TRDN: variants seen among roughly 807,000 people sequenced by gnomAD.
TRDN encodes the protein triadin in skeletal muscle.
In TRDN, 161 loss-of-function variants were observed where a neutral mutation model predicts 149.7. The ratio of observed to expected loss-of-function variants is 1.08; its 90% CI spans 0.95 to 1.23. The LOEUF (loss-of-function observed/expected upper bound fraction) is 1.23, where lower values mean the gene tolerates loss of function less well. Among genes scored for constraint, TRDN ranks in the 50% most tolerant of loss-of-function variants. The pLI, the probability that TRDN is intolerant of heterozygous loss-of-function variation, is 0.00. For synonymous variants in TRDN, 294 were observed against 250.5 expected (o/e 1.17, Z -1.64); for missense variants, 896 against 823.5 (o/e 1.09, Z -1.08).
intron 22 of TRDN, 135 bp from the exon 23 acceptor site, chr6:123,332,064 T>G: frequency 1.6e-6 from 1 of 618,212 alleles, no homozygotes; most frequent in Non-Finnish European, 2.7e-6. Flanking sequence ...TTAAAAATGG[T>G]TTTACTCATA....
At chr6:123,230,748 T>A (rs1198548118) in intron 38 of TRDN, among the ~76,000 whole-genome samples, 2 of 151,986 alleles carry the variant, frequency 1.3e-5, no homozygotes, top group Non-Finnish European at 2.9e-5. Flanking sequence ...GGCTGTGTGT[T>A]TATGTTATAA....
chr6:123,455,446 G>GTGTGTGTA lies in TRDN; in HGVS notation c.931+9459_931+9460insTACACACA, dbSNP rs1392022962. On this transcript the variant is annotated intron_variant, in intron 10 of 40. Transcript: ENST00000334268. The stretch of plus-strand genomic sequence containing the variant: ...TGTGTGTGTGTGTGTGTGTCTGTGT[G>GTGTGTGTA]TGTTAGAGAAACAAAGAGAGAAGAA... Among the ~76,000 whole-genome samples the GTGTGTGTA allele has an allele frequency of 2.5e-3, 381 of 151,818 alleles. 1 individual carries two copies. The highest frequency in any genetic ancestry group is 8.7e-3 in the African/African-American group (358 of 41,310).
intron 5 of TRDN, among the ~76,000 whole-genome samples, chr6:123,525,609 T>G (rs1389452809): frequency 6.6e-6 from 1 of 151,952 alleles, no homozygotes; most frequent in Non-Finnish European, 1.5e-5. Flanking sequence ...AATATTTGGG[T>G]GATGGACACA....
chr6:123,569,209 G>A (rs1226995266), intron 2 of TRDN, among the ~76,000 whole-genome samples: 1 of 152,166 alleles, frequency 6.6e-6, no homozygotes, highest in Non-Finnish European at 1.5e-5. Context: ...TCTTTGCTAA[G>A]GCATAACATG....
At chr6:123,505,622 A>T (rs1173212022) in intron 7 of TRDN, among the ~76,000 whole-genome samples, 1 of 152,172 alleles carries the variant, frequency 6.6e-6, no homozygotes, top group African/African-American at 2.4e-5. Context: ...ATTTTTAAGA[A>T]GGGGAATTAT....
chr6:123,514,121 T>C (rs1779310668), intron 6 of TRDN, among the ~76,000 whole-genome samples: 1 of 152,126 alleles, frequency 6.6e-6, no homozygotes, highest in African/African-American at 2.4e-5. Flanking sequence ...TCCCAGCACT[T>C]TGGGAGGCTG....
At chr6:123,567,431 AG>A (rs1782348336) in intron 2 of TRDN, among the ~76,000 whole-genome samples, 1 of 152,186 alleles carries the variant, frequency 6.6e-6, no homozygotes, top group Admixed American at 6.5e-5. Flanking sequence ...ATTGCTATAA[AG>A]AAATACCTGA....
At chr6:123,549,269 G>A (rs1258352929) in intron 2 of TRDN, among the ~76,000 whole-genome samples, 3 of 151,980 alleles carry the variant, frequency 2.0e-5, no homozygotes, top group African/African-American at 7.2e-5. Context: ...GATATAAAAT[G>A]TTTGCTAAAT....
chr6:123,504,595 C>T (rs1044962517), intron 7 of TRDN, among the ~76,000 whole-genome samples: 4 of 151,804 alleles, frequency 2.6e-5, no homozygotes, highest in African/African-American at 7.3e-5. Context: ...AGCCCTTAAA[C>T]ATATCATGGG....
At chr6:123,435,825 A>G (rs1322980046) in intron 12 of TRDN, among the ~76,000 whole-genome samples, 1 of 152,126 alleles carries the variant, frequency 6.6e-6, no homozygotes, top group East Asian at 1.9e-4. Context: ...TGATATGGGC[A>G]TAATCCGTTC....
At chr6:123,407,011 G>C in intron 12 of TRDN, among the ~76,000 whole-genome samples, 1 of 152,068 alleles carries the variant, frequency 6.6e-6, no homozygotes, top group East Asian at 1.9e-4. Flanking sequence ...GGTGCTTGCT[G>C]AGAGGGCCCA....
rs1489256531 is a variant in TRDN, at chr6:123,255,911, A to T, written c.1871-9T>A. 3.9e-6 allele frequency: 5 copies of T among 1,276,748 alleles called. No homozygotes were observed. The South Asian group carries it at 1.1e-4, about 29-fold the overall frequency. The allele number at this position is 1,276,748 out of a possible 1,614,324, so 79.1% of individuals were successfully genotyped here. A position where few individuals can be genotyped will look rare whatever the true frequency, so the allele number is the denominator to read the frequency against. ...CTTCATGTCTGCTTTTTCTGTATAG[A>T]AGAAACAGTAACAGGGTAATTTATT... On this transcript the variant is annotated splice_polypyrimidine_tract_variant and intron_variant, in intron 35 of 40. Coordinates refer to ENST00000334268, the MANE Select transcript of TRDN (RefSeq NM_006073.4).
At chr6:123,510,521 A>G (rs1779121306) in intron 7 of TRDN, among the ~76,000 whole-genome samples, 1 of 152,174 alleles carries the variant, frequency 6.6e-6, no homozygotes. Context: ...TTGTTATTCA[A>G]TATGCCAAAA....
At chr6:123,624,681 T>C (rs367823470) in intron 1 of TRDN, among the ~76,000 whole-genome samples, 3 of 152,170 alleles carry the variant, frequency 2.0e-5, no homozygotes, top group African/African-American at 7.2e-5. Context: ...TGATTCTTCT[T>C]TGTAAGCCAG....
intron 16 of TRDN, among the ~76,000 whole-genome samples, chr6:123,380,510 A>C (rs572438893): frequency 6.6e-6 from 1 of 152,276 alleles, no homozygotes; most frequent in African/African-American, 2.4e-5. Context: ...GTTGTAGTAT[A>C]ATTTCACGAG....
At chr6:123,243,394 C>T (rs1042814098) in intron 38 of TRDN, among the ~76,000 whole-genome samples, 4 of 152,050 alleles carry the variant, frequency 2.6e-5, no homozygotes, top group African/African-American at 9.7e-5. Context: ...ATGATACCTA[C>T]AAAGAAATAC....
chr6:123,219,233 A>G (rs1775054712), intron 40 of TRDN, among the ~76,000 whole-genome samples: 1 of 151,780 alleles, frequency 6.6e-6, no homozygotes, highest in African/African-American at 2.4e-5. Flanking sequence ...GAGCTTTCCT[A>G]AGGTGGCTTG....
At chr6:123,412,462 A>T (rs371134351) in intron 12 of TRDN, among the ~76,000 whole-genome samples, 14 of 152,370 alleles carry the variant, frequency 9.2e-5, no homozygotes, top group African/African-American at 3.4e-4. Context: ...AACAGTACAG[A>T]CATAAGATAT....
chr6:123,554,175 T>C (rs77955188), intron 2 of TRDN, among the ~76,000 whole-genome samples: 3,539 of 152,130 alleles, frequency 0.023, 42 homozygotes, highest in East Asian at 0.053. Context: ...GGAACTAAAT[T>C]GAGGTAAAGG....
Sources: gnomAD v4.1 joint callset for allele counts (sites outside exome capture counted in the v4.1 genomes callset) on GRCh38, gnomAD v4.1.1 for gene constraint, MANE v1.5 for transcripts, NCBI Gene and HGNC (gene_info 2026-07-23, HGNC 2026-07-21) for gene names.